Variants in RAP1GAP observed in about 807,000 individuals in gnomAD.
RAP1GAP encodes RAP1 GTPase activating protein, also known as rap1 GTPase-activating protein 1.
Under a neutral mutation model 87.2 loss-of-function variants are expected in RAP1GAP, and 35 were observed. The observed-to-expected ratio is 0.40, with a 90% CI of 0.31 to 0.53. RAP1GAP has a LOEUF of 0.53. Among genes scored for constraint, RAP1GAP ranks in the 20% least tolerant of loss-of-function variants. The pLI is 0.48. For synonymous variants in RAP1GAP, 375 were observed against 363.9 expected, an observed-to-expected ratio of 1.03 and a Z score of -0.35; for missense variants, 734 against 898.9, an observed-to-expected ratio of 0.82 and a Z score of 2.35.
At chr1:21,643,091 C>A (rs956638432) in intron 2 of RAP1GAP, among the ~76,000 whole-genome samples, 1 of 134,454 alleles carries the variant, frequency 7.4e-6, no homozygotes, top group Non-Finnish European at 1.6e-5. Context: ...AGACTCTGAA[C>A]CCAGAAGAAG....
intron 6 of RAP1GAP, 73 bp downstream of exon 6, chr1:21,617,861 C>G: frequency 6.3e-6 from 10 of 1,595,928 alleles, no homozygotes; most frequent in Non-Finnish European, 8.6e-6. Flanking sequence ...GGAGGAGGAC[C>G]TGGTATCCAG....
In RAP1GAP at chr1:21,606,050, G is replaced by C. The variant is rs761078173; in HGVS notation, c.1428+16C>G. Reference sequence around the variant, plus strand: ...CCAGGGAGGGGCCGGGGCCTGGGGAGGGGGAGGGCACTCACTATTCCAGCC... The same window carrying C: ...CCAGGGAGGGGCCGGGGCCTGGGGACGGGGAGGGCACTCACTATTCCAGCC... On this transcript the variant is annotated intron_variant, in intron 18 of 24. Transcript: ENST00000374765. 11 of 1,569,802 alleles carry C rather than the reference G, an allele frequency of 7.0e-6. No homozygotes were observed. The highest frequency in any genetic ancestry group is 1.3e-5 in the African/African-American group (1 of 74,342).
In RAP1GAP at chr1:21,601,805, G is replaced by T. The variant is rs760136488; in HGVS notation, c.1539-8C>A. 4.4e-6 allele frequency: 7 copies of T among 1,578,604 alleles called. No homozygotes were observed. Among genetic ancestry groups the T allele is most frequent in the East Asian group, 2.2e-5 (1 of 44,524 alleles). ...CCAGCCGGAGGGCTCTCCCTGCGGG[G>T]CACACGGGGGCAGCGGGGGGATTCA... On this transcript the variant is annotated splice_region_variant and splice_polypyrimidine_tract_variant and intron_variant, in intron 19 of 24. Transcript: ENST00000374765.
chr1:21,644,831 G>A (rs1051730609), intron 2 of RAP1GAP, among the ~76,000 whole-genome samples: 1 of 151,002 alleles, frequency 6.6e-6, no homozygotes. Context: ...AACCACGGAG[G>A]TGGAGGTTGC....
chr1:21,664,272 G>A (rs1163546798), intron 1 of RAP1GAP, among the ~76,000 whole-genome samples: 1 of 152,180 alleles, frequency 6.6e-6, no homozygotes, highest in African/African-American at 2.4e-5. Flanking sequence ...GAGGCCCAGG[G>A]AAACAGGCGA....
chr1:21,657,434 C>T (rs2096910534), intron 1 of RAP1GAP, among the ~76,000 whole-genome samples: 2 of 152,232 alleles, frequency 1.3e-5, no homozygotes, highest in Non-Finnish European at 2.9e-5. Flanking sequence ...TGTGTACACA[C>T]CTCACAAACA....
At chr1:21,643,556 CA>C (rs58359978) in intron 2 of RAP1GAP, among the ~76,000 whole-genome samples, 11,103 of 66,420 alleles carry the variant, frequency 0.17, 477 homozygotes, top group East Asian at 0.33. Context: ...GACTCCGTCT[CA>C]AAAAAAAAAA....
intron 7 of RAP1GAP, among the ~76,000 whole-genome samples, chr1:21,616,593 C>A (rs1168397564): frequency 1.3e-5 from 2 of 152,258 alleles, no homozygotes; most frequent in African/African-American, 4.8e-5. Context: ...GACGAAGAGA[C>A]AGCACCCGGC....
At chr1:21,601,199 CT>C (rs2068107188) in intron 20 of RAP1GAP, among the ~76,000 whole-genome samples, 1 of 152,094 alleles carries the variant, frequency 6.6e-6, no homozygotes. Flanking sequence ...CCCAGCCACC[CT>C]TCTTTCTGTC....
chr1:21,665,470 C>A (rs951330273), intron 1 of RAP1GAP, among the ~76,000 whole-genome samples: 1 of 152,186 alleles, frequency 6.6e-6, no homozygotes, highest in Non-Finnish European at 1.5e-5. Context: ...TCATTAAATG[C>A]TTAGTGAGTA....
In RAP1GAP at chr1:21,609,234, C is replaced by T. The variant is rs1296066720; in HGVS notation, c.1072-298G>A. On this transcript the variant is annotated intron_variant, in intron 15 of 24. Coordinates refer to ENST00000374765, the MANE Select transcript of RAP1GAP (RefSeq NM_002885.4). The surrounding 1 kb of genome is among the most constrained non-coding windows in gnomAD (Gnocchi z 4.4). ...CAGTCTAGGGTAGCAGAACACGCTA[C>T]GTACAGAGCTGAAGCCCAGGCTTGA... Among the ~76,000 whole-genome samples, 1 of 152,124 alleles carries T rather than the reference C, an allele frequency of 6.6e-6. No individual in the cohort carries two copies. Among genetic ancestry groups the T allele is most frequent in the African/African-American group, 2.4e-5 (1 of 41,408 alleles).
intron 1 of RAP1GAP, among the ~76,000 whole-genome samples, chr1:21,655,286 T>A (rs1486472955): frequency 6.6e-6 from 1 of 152,140 alleles, no homozygotes; most frequent in Non-Finnish European, 1.5e-5. Flanking sequence ...CAGAGGAAAT[T>A]TGATAAATTA....
chr1:21,633,567 A>G (rs2094180140), intron 2 of RAP1GAP, among the ~76,000 whole-genome samples: 1 of 152,070 alleles, frequency 6.6e-6, no homozygotes, highest in Non-Finnish European at 1.5e-5. Flanking sequence ...CAGTGCCTGG[A>G]GCAAGAGCAG....
chr1:21,629,923 G>T (rs975659590), intron 2 of RAP1GAP, among the ~76,000 whole-genome samples: 6 of 152,158 alleles, frequency 3.9e-5, no homozygotes, highest in African/African-American at 2.4e-5. Flanking sequence ...CAATCCTGTG[G>T]ACCTCCCCAC....
Position 21,613,673 on chromosome 1 carries a change from G to A in RAP1GAP, c.429C>T (p.Pro143=). ...TAGGGAACTCGGTGAGGCAGGAGAT[G>A]GGGATGACATCATGGTATGTCCGGC... The part of the protein sequence containing the change: ...TKCRTYHDVI[P]ISCLTEFPNV... Residue 143 remains proline (P), a synonymous_variant, in exon 9 of 25, where the codon CCC becomes CCT. Coordinates refer to ENST00000374765, the MANE Select transcript of RAP1GAP (RefSeq NM_002885.4). This position sits in a 1 kb window ranked among gnomAD's most constrained non-coding sequence, Gnocchi z 4.7. The A allele has an allele frequency of 1.9e-6, 3 of 1,613,622 alleles. No individual in the cohort carries two copies. Among genetic ancestry groups the A allele is most frequent in the South Asian group, 1.1e-5 (1 of 91,066 alleles).
intron 2 of RAP1GAP, among the ~76,000 whole-genome samples, chr1:21,631,023 C>T (rs1385688151): frequency 6.6e-6 from 1 of 152,090 alleles, no homozygotes; most frequent in Non-Finnish European, 1.5e-5. Flanking sequence ...CTGGCCTCTG[C>T]AGACCACCCA....
At position 21,601,896 on chromosome 1, in the gene RAP1GAP, C is replaced by T. The variant is rs546147486; in HGVS notation, c.1539-99G>A. 233 of 788,742 alleles carry T rather than the reference C, an allele frequency of 3.0e-4. 1 individual carries two copies. The African/African-American group carries it at 3.6e-3, about 12-fold the overall frequency. The allele number at this position is 788,742 out of a possible 1,614,324, so 48.9% of individuals were successfully genotyped here. ...GTGAGGGGAGTCACGGTGCCTCCTG[C>T]CTCATACCCACGCCCCTATACTCAG... is the stretch of plus-strand genomic sequence containing the variant. On this transcript the variant is annotated intron_variant, in intron 19 of 24. Coordinates refer to ENST00000374765, the MANE Select transcript of RAP1GAP (RefSeq NM_002885.4).
intron 1 of RAP1GAP, chr1:21,653,107 G>A (rs1346966685): frequency 6.6e-6 from 1 of 152,176 alleles, no homozygotes; most frequent in Admixed American, 6.5e-5. Context: ...GACGAGTCTG[G>A]GTACCAGGGT....
intron 1 of RAP1GAP, among the ~76,000 whole-genome samples, chr1:21,664,331 G>T (rs2097265547): frequency 6.6e-6 from 1 of 152,186 alleles, no homozygotes; most frequent in South Asian, 2.1e-4. Flanking sequence ...TACGCCAGGT[G>T]GTTCCTCATT....
Sources: gnomAD v4.1 joint callset for allele counts (sites outside exome capture counted in the v4.1 genomes callset) on GRCh38, gnomAD v4.1.1 for gene constraint, Gnocchi (gnomAD v3.1) non-coding constraint, MANE v1.5 for transcripts, NCBI Gene and HGNC (gene_info 2026-07-23, HGNC 2026-07-21) for gene names.